Variants in GAK observed in about 807,000 individuals in gnomAD.
GAK encodes the protein cyclin-G-associated kinase.
In GAK, 79 loss-of-function variants were observed where a neutral mutation model predicts 143.9. The ratio of observed to expected loss-of-function variants is 0.55; its 90% CI spans 0.46 to 0.66. The LOEUF is 0.66. Ranked by LOEUF, GAK falls within the 30% of genes least tolerant of loss-of-function variation. The pLI is 0.00. For synonymous variants in GAK, 881 were observed against 765.5 expected, an observed-to-expected ratio of 1.15 and a Z score of -2.49; for missense variants, 1,693 against 1,779.7, an observed-to-expected ratio of 0.95 and a Z score of 0.88.
intron 27 of GAK, 58 bp downstream of exon 27, chr4:849,834 A>AGCCCCCCCCCCCCCCCC: frequency 1.1e-6 from 1 of 942,246 alleles, no homozygotes; most frequent in Non-Finnish European, 1.6e-6. Flanking sequence ...GCGGGGCAGG[A>AGCCCCCCCCCCCCCCCC]CCCCCCCCCC....
At chr4:851,390 C>A in intron 25 of GAK, 1 of 469,960 alleles carries the variant, frequency 2.1e-6, no homozygotes, top group South Asian at 2.4e-5. Flanking sequence ...GCCACAAAGC[C>A]CAGTTAAGAA....
At chr4:926,492 T>G (rs959939184) in intron 1 of GAK, among the ~76,000 whole-genome samples, 7 of 152,300 alleles carry the variant, frequency 4.6e-5, no homozygotes, top group African/African-American at 1.4e-4. Flanking sequence ...AAACGTCACT[T>G]TTCTCTTCTG....
At chr4:930,440 C>T (rs1217373742) in intron 1 of GAK, among the ~76,000 whole-genome samples, 2 of 151,378 alleles carry the variant, frequency 1.3e-5, no homozygotes, top group African/African-American at 4.9e-5. Flanking sequence ...TTTCTTTATA[C>T]GAATCTTCCT....
chr4:931,682 GC>G (rs2152991353), intron 1 of GAK, among the ~76,000 whole-genome samples: 1 of 152,112 alleles, frequency 6.6e-6, no homozygotes, highest in African/African-American at 2.4e-5. Context: ...CTCCCTGCCT[GC>G]CACCATCCCC....
intron 1 of GAK, among the ~76,000 whole-genome samples, chr4:929,058 G>A (rs900967324): frequency 6.6e-6 from 1 of 152,196 alleles, no homozygotes; most frequent in Non-Finnish European, 1.5e-5. Context: ...CACTGCGCCC[G>A]GCCCAGAACA....
At position 856,601 on chromosome 4, in the gene GAK, G is replaced by GCTGCTCACCACAGCTGCTCACAC. The variant is rs1560281809; in HGVS notation, c.3283+3004_3283+3005insGTGTGAGCAGCTGTGGTGAGCAG. On this transcript the variant is annotated intron_variant, in intron 24 of 27. Transcript: ENST00000314167. Reference sequence around the variant, plus strand: ...CTGCTCACCACCACAGGTGCTCACAGCTGCTCACCACAGGTGCTCACACCT... The same window carrying GCTGCTCACCACAGCTGCTCACAC: ...CTGCTCACCACCACAGGTGCTCACAGCTGCTCACCACAGCTGCTCACACCTGCTCACCACAGGTGCTCACACCT... Among the ~76,000 whole-genome samples, 4 of 99,092 alleles carry GCTGCTCACCACAGCTGCTCACAC rather than the reference G, an allele frequency of 4.0e-5. No individual in the cohort carries two copies. The East Asian group carries it at 1.2e-3, about 30-fold the overall frequency. The allele number at this position is 99,092 out of a possible 152,430, so 65.0% of individuals were successfully genotyped here.
chr4:880,554 A>G (rs1714888623), intron 15 of GAK, among the ~76,000 whole-genome samples: 1 of 152,068 alleles, frequency 6.6e-6, no homozygotes, highest in African/African-American at 2.4e-5. Context: ...TCCAGAGGGC[A>G]AGGACCCTTC....
intron 19 of GAK, 34 bp from the exon 20 acceptor site, chr4:868,719 C>T: frequency 3.9e-6 from 6 of 1,540,202 alleles, no homozygotes; most frequent in Non-Finnish European, 4.4e-6. Context: ...GGCACTGGCA[C>T]TGGCCAGCAG....
At chr4:926,681 C>G (rs934386235) in intron 1 of GAK, among the ~76,000 whole-genome samples, 3 of 151,982 alleles carry the variant, frequency 2.0e-5, no homozygotes, top group Non-Finnish European at 4.4e-5. Context: ...TGTTGATGAT[C>G]AAGCTGTCAA....
intron 1 of GAK, among the ~76,000 whole-genome samples, chr4:923,452 T>G (rs1724208579): frequency 6.6e-6 from 1 of 152,064 alleles, no homozygotes; most frequent in Non-Finnish European, 1.5e-5. Context: ...GAGAATCACT[T>G]GAGCCCAGGA....
chr4:922,608 A>C (rs1300703902), intron 1 of GAK, among the ~76,000 whole-genome samples: 1 of 151,998 alleles, frequency 6.6e-6, no homozygotes, highest in Non-Finnish European at 1.5e-5. Flanking sequence ...TTGGCCTTCA[A>C]GCCTCCAGAA....
At chr4:911,862 A>G in intron 3 of GAK, 75 bp from the exon 4 acceptor site, 4 of 1,118,770 alleles carry the variant, frequency 3.6e-6, no homozygotes, top group Non-Finnish European at 5.4e-6. Flanking sequence ...AAATGTAGAC[A>G]ATATTAACAC....
intron 4 of GAK, among the ~76,000 whole-genome samples, chr4:909,903 C>T (rs1372830825): frequency 6.6e-6 from 1 of 152,164 alleles, no homozygotes; most frequent in Non-Finnish European, 1.5e-5. Flanking sequence ...TACCTGGCAG[C>T]ATCTCCTCAG....
intron 23 of GAK, among the ~76,000 whole-genome samples, chr4:864,558 C>T (rs567103226): frequency 9.2e-5 from 14 of 152,312 alleles, no homozygotes; most frequent in African/African-American, 1.9e-4. Flanking sequence ...GCGGGAGGGC[C>T]GGCTCCAGGG....
intron 19 of GAK, chr4:869,214 G>GAATACACACAGCACACAGATGCACA (rs1711807463): frequency 2.6e-5 from 1 of 39,066 alleles, no homozygotes; most frequent in African/African-American, 9.3e-5. Context: ...ACAGATGCAT[G>GAATACACACAGCACACAGATGCACA]GTACACACGG....
chr4:888,524 C>T, intron 11 of GAK: 3 of 311,312 alleles, frequency 9.6e-6, no homozygotes, highest in Admixed American at 4.7e-5. Flanking sequence ...ACCGAGGTTT[C>T]ACCCAATTTA....
rs1750986254 is a variant in GAK, at chr4:865,363, C to A, written c.3044-119G>T. On this transcript the variant is annotated intron_variant, in intron 22 of 27. Transcript: ENST00000314167. Reference sequence around the variant, plus strand: ...GGACACCTCTTGCACCCAGGCTGAGCTGAGGCTGGGCTGACGGCCTCTCTC... The same window carrying A: ...GGACACCTCTTGCACCCAGGCTGAGATGAGGCTGGGCTGACGGCCTCTCTC... The A allele has an allele frequency of 4.6e-6, 6 of 1,316,908 alleles. No homozygotes were observed. In the Admixed American group the frequency reaches 8.1e-5, roughly 18 times the overall value. The allele number at this position is 1,316,908 out of a possible 1,614,324, so 81.6% of individuals were successfully genotyped here.
intron 1 of GAK, among the ~76,000 whole-genome samples, chr4:925,390 C>A (rs925113451): frequency 2.0e-5 from 3 of 152,136 alleles, no homozygotes; most frequent in African/African-American, 7.2e-5. Context: ...GCACGGAGCA[C>A]GCTGGGGACG....
rs374973252 is a variant in GAK at position 893,962 on chromosome 4, A to G, written c.789T>C (p.Phe263=). ...CTATTCGAAGTTTCGCTCCATCCTC[A>G]AAAGGGTGCTGCCGGAAGCACAGCA... The part of the protein sequence containing the change: ...LYLLCFRQHP[F]EDGAKLRIVN... Residue 263 remains phenylalanine, a synonymous_variant, in exon 8 of 28, where the codon TTT becomes TTC. Transcript: ENST00000314167. 3.7e-6 allele frequency: 6 copies of G among 1,612,424 alleles called. No individual in the cohort carries two copies. In the African/African-American group the frequency reaches 6.7e-5, roughly 18 times the overall value.
Sources: allele counts gnomAD v4.1 joint callset (sites outside exome capture counted in the v4.1 genomes callset), GRCh38; gene constraint gnomAD v4.1.1; transcripts MANE v1.5; gene names NCBI Gene and HGNC (gene_info 2026-07-23, HGNC 2026-07-21).